The following SLC24A3 variants were observed in gnomAD, a reference collection of about 807,000 sequenced individuals.
The protein encoded by SLC24A3 is solute carrier family 24 member 3, also known as sodium/potassium/calcium exchanger 3.
Under a neutral mutation model 75.8 loss-of-function variants are expected in SLC24A3, and 28 were observed. The ratio of observed to expected loss-of-function variants is 0.37; its 90% CI spans 0.27 to 0.51. The LOEUF is 0.51. Ranked by LOEUF, SLC24A3 falls within the 20% of genes least tolerant of loss-of-function variation. SLC24A3 has a pLI of 0.94. For missense variants in SLC24A3, 663 were observed against 847.8 expected (o/e 0.78, Z 2.71); for synonymous variants, 372 against 334.1 (o/e 1.11, Z -1.24).
intron 1 of SLC24A3, among the ~76,000 whole-genome samples, chr20:19,262,103 A>G (rs1983007602): frequency 6.6e-6 from 1 of 152,104 alleles, no homozygotes. Flanking sequence ...CATCGCCTCT[A>G]TACACAGAAA....
chr20:19,295,146 G>A (rs192307146), intron 2 of SLC24A3, among the ~76,000 whole-genome samples: 6 of 152,222 alleles, frequency 3.9e-5, no homozygotes, highest in Admixed American at 2.0e-4. Flanking sequence ...AATTTTTAAT[G>A]GGGTTGTTTG....
Position 19,696,883 on chromosome 20 carries a change from C to T in SLC24A3, c.1578C>T (p.Cys526=), listed in dbSNP as rs1310390050. The T allele has an allele frequency of 6.2e-7, 1 of 1,600,114 alleles. No homozygotes were observed. The change falls in exon 14 of 17, where the codon TGC becomes TGT. Residue 526 remains cysteine (C), a synonymous_variant. Coordinates refer to ENST00000328041, the MANE Select transcript of SLC24A3 (RefSeq NM_020689.4). ...CTGCTGGGACCAGCGTGCCTGACTG[C>T]ATGGCCAGCCTCATTGTGGCCAGAC... ...FLAAGTSVPD[C]MASLIVARQG... is the part of the protein sequence containing the mutation.
rs566555207 is a variant in SLC24A3, at chr20:19,682,151, A to T, written c.901+160A>T. Among the ~76,000 whole-genome samples the T allele has an allele frequency of 1.3e-3, 191 of 152,318 alleles. No individual in the cohort carries two copies. In the Middle Eastern group the frequency reaches 0.014, roughly 11 times the overall value. On this transcript the variant is annotated intron_variant, in intron 10 of 16. Transcript: ENST00000328041. ...AAGCCTGTAATCCCAGCTGCATGGG[A>T]GGCCGAGGCATGAGAATCGCTTGAA...
intron 2 of SLC24A3, among the ~76,000 whole-genome samples, chr20:19,484,829 T>G (rs1988106581): frequency 1.3e-5 from 2 of 152,320 alleles, no homozygotes; most frequent in South Asian, 2.1e-4. Context: ...GATGAAAAAT[T>G]TTGTGCTGTG....
chr20:19,258,428 G>C (rs1982879586), intron 1 of SLC24A3, among the ~76,000 whole-genome samples: 1 of 152,214 alleles, frequency 6.6e-6, no homozygotes, highest in African/African-American at 2.4e-5. Context: ...AATGATGGTG[G>C]GGTGCCGTGG....
At chr20:19,492,608 C>G (rs1333752968) in intron 2 of SLC24A3, among the ~76,000 whole-genome samples, 1 of 152,170 alleles carries the variant, frequency 6.6e-6, no homozygotes, top group Admixed American at 6.5e-5. Context: ...GGATCCAGTG[C>G]TTTAGTTTCC....
intron 2 of SLC24A3, among the ~76,000 whole-genome samples, chr20:19,325,757 C>CATAGAT (rs1568589763): frequency 2.5e-5 from 1 of 39,604 alleles, no homozygotes; most frequent in Non-Finnish European, 4.3e-5. Flanking sequence ...TGTGTGTATA[C>CATAGAT]ATACATACAT....
intron 2 of SLC24A3, among the ~76,000 whole-genome samples, chr20:19,373,714 T>C (rs749266280): frequency 3.3e-5 from 5 of 152,176 alleles, no homozygotes; most frequent in Non-Finnish European, 5.9e-5. Flanking sequence ...CAGACTGATG[T>C]AGGTGAGGGG....
chr20:19,398,419 C>T (rs142437485), intron 2 of SLC24A3, among the ~76,000 whole-genome samples: 8 of 152,060 alleles, frequency 5.3e-5, no homozygotes, highest in Non-Finnish European at 7.4e-5. Flanking sequence ...CCATTTTTGA[C>T]GTTAAAAAGT....
intron 15 of SLC24A3, among the ~76,000 whole-genome samples, chr20:19,699,007 A>G (rs952802690): frequency 2.6e-5 from 4 of 152,226 alleles, no homozygotes; most frequent in African/African-American, 7.2e-5. Flanking sequence ...CCAAACGGGC[A>G]TGTCTGTTTC....
intron 2 of SLC24A3, among the ~76,000 whole-genome samples, chr20:19,447,321 C>T (rs1312745327): frequency 6.6e-6 from 1 of 152,056 alleles, no homozygotes; most frequent in Non-Finnish European, 1.5e-5. Flanking sequence ...GAGGGACGGG[C>T]GTGGTGTCAA....
At chr20:19,502,967 C>T (rs1988408532) in intron 2 of SLC24A3, among the ~76,000 whole-genome samples, 1 of 148,634 alleles carries the variant, frequency 6.7e-6, no homozygotes, top group African/African-American at 2.5e-5. Context: ...TTGGAGGCTG[C>T]AGTGAGCCAT....
At chr20:19,523,965 G>A (rs2030150174) in intron 3 of SLC24A3, among the ~76,000 whole-genome samples, 1 of 152,142 alleles carries the variant, frequency 6.6e-6, no homozygotes, top group Non-Finnish European at 1.5e-5. Flanking sequence ...GGCAAGAAGT[G>A]CCAGGAAATC....
chr20:19,423,731 A>G (rs900706333), intron 2 of SLC24A3, among the ~76,000 whole-genome samples: 3 of 152,178 alleles, frequency 2.0e-5, no homozygotes, highest in South Asian at 2.1e-4. Context: ...CAGCCCCCAC[A>G]GTAGGTTGGT....
At chr20:19,671,635 G>GT (rs2032468130) in intron 8 of SLC24A3, among the ~76,000 whole-genome samples, 1 of 142,890 alleles carries the variant, frequency 7.0e-6, no homozygotes, top group African/African-American at 2.7e-5. Flanking sequence ...GCCCAGGGTT[G>GT]GTTTTTTTTT....
At chr20:19,216,804 A>AT (rs1282947403) in intron 1 of SLC24A3, among the ~76,000 whole-genome samples, 3 of 151,982 alleles carry the variant, frequency 2.0e-5, no homozygotes, top group Non-Finnish European at 4.4e-5. Context: ...CAGCCACTTA[A>AT]TTTTTTTTGC....
chr20:19,230,884 A>T (rs1982002301), intron 1 of SLC24A3, among the ~76,000 whole-genome samples: 1 of 152,192 alleles, frequency 6.6e-6, no homozygotes, highest in African/African-American at 2.4e-5. Context: ...TGCTAGGCTA[A>T]TGACCATGCA....
chr20:19,356,899 A>G (rs1985697010), intron 2 of SLC24A3, among the ~76,000 whole-genome samples: 1 of 147,830 alleles, frequency 6.8e-6, no homozygotes, highest in Non-Finnish European at 1.5e-5. Context: ...GATGATGTGA[A>G]ATGGTATTTC....
At position 19,670,279 on chromosome 20, in the gene SLC24A3, T is replaced by C. The variant is rs578196924; in HGVS notation, c.714-3322T>C. Among the ~76,000 whole-genome samples the C allele has an allele frequency of 3.9e-5, 6 of 152,076 alleles. 1 individual carries two copies. In the South Asian group the frequency reaches 1.2e-3, roughly 32 times the overall value. The stretch of plus-strand genomic sequence containing the variant: ...CAAATTCAACCAGGTCAAAAATGCA[T>C]GAGGAACAGCAGGTGGGGCGGCACA... On this transcript the variant is annotated intron_variant, in intron 8 of 16. Coordinates refer to ENST00000328041, the MANE Select transcript of SLC24A3 (RefSeq NM_020689.4).
Sources: gnomAD v4.1 joint callset for allele counts (sites outside exome capture counted in the v4.1 genomes callset) on GRCh38, gnomAD v4.1.1 for gene constraint, MANE v1.5 for transcripts, NCBI Gene and HGNC (gene_info 2026-07-23, HGNC 2026-07-21) for gene names.